RAF1: variants seen among roughly 807,000 people sequenced by gnomAD.
RAF1 encodes the protein Raf-1 proto-oncogene, serine/threonine kinase.
RAF1 carries 27 observed loss-of-function variants against 81.1 expected under a neutral mutation model. The observed-to-expected ratio is 0.33, with a 90% CI of 0.25 to 0.46. The LOEUF (loss-of-function observed/expected upper bound fraction) is 0.46, where lower values mean the gene tolerates loss of function less well. RAF1 is among the 20% of genes least tolerant of loss of function. RAF1 has a pLI of 1.00. For synonymous variants in RAF1, 298 were observed against 294.0 expected (o/e 1.01, Z -0.14); for missense variants, 598 against 826.0 (o/e 0.72, Z 3.38).
At position 12,619,192 on chromosome 3, in the gene RAF1, C is replaced by T. The variant is rs557676182; in HGVS notation, c.-26-445G>A. ...CCTGGGAGGCGGAGCTTGCAGTGAG[C>T]GGAGATCATGCCACCGCACTCCAGC... On this transcript the variant is annotated intron_variant, in intron 1 of 17. Transcript: ENST00000442415. 3.9e-4 allele frequency among the ~76,000 whole-genome samples: 59 copies of T among 151,820 alleles called. 1 individual carries two copies. Among genetic ancestry groups the T allele is most frequent in the African/African-American group, 1.3e-3 (55 of 41,390 alleles).
At chr3:12,624,145 C>T (rs1043280446) in intron 1 of RAF1, among the ~76,000 whole-genome samples, 8 of 152,104 alleles carry the variant, frequency 5.3e-5, no homozygotes, top group Non-Finnish European at 1.2e-4. Flanking sequence ...TGAGCCACTG[C>T]ACCCGGCCTT....
chr3:12,600,298 C>A lies in RAF1; in HGVS notation c.923-19G>T. On this transcript the variant is annotated intron_variant, in intron 9 of 17. Transcript: ENST00000442415. ...GGTGAGGCTTAATAGACAAGACAAACAGAAGCCACACAAGGATAAGCCAAC... is the reference window on the plus strand; with the variant it reads ...GGTGAGGCTTAATAGACAAGACAAAAAGAAGCCACACAAGGATAAGCCAAC... 1 of 1,614,116 alleles carries A rather than the reference C, an allele frequency of 6.2e-7. No individual in the cohort carries two copies. The highest frequency in any genetic ancestry group is 8.5e-7 in the Non-Finnish European group (1 of 1,180,024).
intron 4 of RAF1, 115 bp from the exon 5 acceptor site, chr3:12,609,038 T>C (rs1174193936): frequency 2.4e-6 from 3 of 1,234,258 alleles, no homozygotes; most frequent in Non-Finnish European, 3.5e-6. Flanking sequence ...TTCCAGCATG[T>C]ACAGAATTCA....
rs2058222197 is a variant in RAF1 at position 12,583,819 on chromosome 3, A to G, written c.*695T>C. On this transcript the variant is annotated 3_prime_UTR_variant, in exon 18 of 18. Coordinates refer to ENST00000442415, the MANE Select transcript of RAF1 (RefSeq NM_001354689.3). ...AAGGCTGGCCCTGCGGCCCCGCCCC[A>G]TAGGGGCAGCTCCTGGAAGACAAAA... 1 of 234,030 alleles carries G rather than the reference A, an allele frequency of 4.3e-6. No individual in the cohort carries two copies. Among genetic ancestry groups the G allele is most frequent in the South Asian group, 1.8e-4 (1 of 5,544 alleles). The allele number at this position is 234,030 out of a possible 1,614,324, so 14.5% of individuals were successfully genotyped here.
At chr3:12,625,891 A>C (rs762284153) in intron 1 of RAF1, among the ~76,000 whole-genome samples, 1 of 152,146 alleles carries the variant, frequency 6.6e-6, no homozygotes, top group Non-Finnish European at 1.5e-5. Context: ...ACCAATACCA[A>C]TACAATTTAA....
intron 1 of RAF1, among the ~76,000 whole-genome samples, chr3:12,623,103 T>C (rs1260796012): frequency 6.6e-6 from 1 of 152,218 alleles, no homozygotes; most frequent in African/African-American, 2.4e-5. Context: ...TCAATTGAGA[T>C]GAGGTCTCAC....
intron 6 of RAF1, among the ~76,000 whole-genome samples, 174 bp downstream of exon 6, chr3:12,606,027 T>C (rs577833165): frequency 9.2e-6 from 1 of 108,688 alleles, no homozygotes; most frequent in Middle Eastern, 4.3e-3. Context: ...TACAGGTCCA[T>C]AAACAGAAAT....
rs373525774 is a variant in RAF1, at chr3:12,659,492, T to C, written c.-27+4321A>G. Among the ~76,000 whole-genome samples, 15 of 146,700 alleles carry C rather than the reference T, an allele frequency of 1.0e-4. No individual in the cohort carries two copies. In the South Asian group the frequency reaches 1.7e-3, roughly 17 times the overall value. The stretch of plus-strand genomic sequence containing the variant: ...CCTATACCAAAAGTACCAACTGAAT[T>C]GCAACACAAATATCTAGTATTACAT... On this transcript the variant is annotated intron_variant, in intron 1 of 17. Coordinates refer to ENST00000442415, the MANE Select transcript of RAF1 (RefSeq NM_001354689.3).
At chr3:12,622,901 A>G (rs1331423472) in intron 1 of RAF1, among the ~76,000 whole-genome samples, 1 of 152,164 alleles carries the variant, frequency 6.6e-6, no homozygotes, top group Non-Finnish European at 1.5e-5. Flanking sequence ...AGTTGTTCAC[A>G]CCTGTAATCC....
chr3:12,587,136 A>C, intron 14 of RAF1: 1 of 172,072 alleles, frequency 5.8e-6, no homozygotes, highest in Non-Finnish European at 1.3e-5. Context: ...CAGTCAAGAA[A>C]GACTATTTTA....
At chr3:12,660,143 G>C (rs2060829334) in intron 1 of RAF1, among the ~76,000 whole-genome samples, 1 of 138,354 alleles carries the variant, frequency 7.2e-6, no homozygotes, top group African/African-American at 2.6e-5. Flanking sequence ...AAAGCTACTA[G>C]TCTAAGAGCA....
At chr3:12,626,529 T>C (rs2059707644) in intron 1 of RAF1, among the ~76,000 whole-genome samples, 1 of 151,112 alleles carries the variant, frequency 6.6e-6, no homozygotes, top group African/African-American at 2.4e-5. Flanking sequence ...AGGTCGAAGC[T>C]GCAGTGTGCC....
At chr3:12,660,268 C>G (rs1026893991) in intron 1 of RAF1, among the ~76,000 whole-genome samples, 2 of 151,580 alleles carry the variant, frequency 1.3e-5, no homozygotes, top group African/African-American at 4.9e-5. Context: ...AACCAAATCC[C>G]ATAAAATACG....
intron 13 of RAF1, chr3:12,590,589 G>T: frequency 3.4e-6 from 2 of 595,118 alleles, no homozygotes; most frequent in Non-Finnish European, 6.0e-6. Flanking sequence ...GCCTCCCAAA[G>T]TGCTGGGATT....
chr3:12,598,732 A>AAAAAAAAAAAC (rs1415095452), intron 11 of RAF1, among the ~76,000 whole-genome samples: 1 of 90,554 alleles, frequency 1.1e-5, no homozygotes, highest in Non-Finnish European at 2.4e-5. Context: ...TCTCAAAAAA[A>AAAAAAAAAAAC]AAAAAAAAAA....
rs182889284 is a variant in RAF1 at position 12,648,974 on chromosome 3, C to T, written c.-27+14839G>A. ...TACTAAAAATACAAAATTACCCAGG[C>T]GTGGTGGCACATGCCTGTAATGCCA... On this transcript the variant is annotated intron_variant, in intron 1 of 17. Transcript: ENST00000442415. 7.9e-5 allele frequency among the ~76,000 whole-genome samples: 12 copies of T among 152,148 alleles called. No individual in the cohort carries two copies. In the East Asian group the frequency reaches 1.7e-3, roughly 22 times the overall value.
At chr3:12,645,690 G>C (rs560678592) in intron 1 of RAF1, among the ~76,000 whole-genome samples, 2 of 152,224 alleles carry the variant, frequency 1.3e-5, no homozygotes, top group African/African-American at 4.8e-5. Flanking sequence ...GAGCTATCTA[G>C]AAGAGTTCCT....
intron 1 of RAF1, among the ~76,000 whole-genome samples, chr3:12,640,515 TTTACA>T (rs2060152792): frequency 6.6e-6 from 1 of 151,998 alleles, no homozygotes. Flanking sequence ...CTTAAACAAA[TTTACA>T]AGAAAAAAAT....
intron 1 of RAF1, among the ~76,000 whole-genome samples, chr3:12,656,041 T>C (rs1416057794): frequency 6.7e-6 from 1 of 150,322 alleles, no homozygotes; most frequent in Non-Finnish European, 1.5e-5. Context: ...TGTCACTGGA[T>C]TGTAGATACA....
Sources: allele counts gnomAD v4.1 joint callset (sites outside exome capture counted in the v4.1 genomes callset), GRCh38; gene constraint gnomAD v4.1.1; transcripts MANE v1.5; gene names NCBI Gene and HGNC (gene_info 2026-07-23, HGNC 2026-07-21).